MSH3: variants seen among roughly 807,000 people sequenced by gnomAD.
The protein encoded by MSH3 is mutS homolog 3, also known as DNA mismatch repair protein Msh3.
Under a neutral mutation model 123.3 loss-of-function variants are expected in MSH3, and 106 were observed. The ratio of observed to expected loss-of-function variants is 0.86; its 90% CI spans 0.73 to 1.01. The LOEUF is 1.01. Ranked by LOEUF, MSH3 falls within the 50% of genes least tolerant of loss-of-function variation. The pLI, the probability that MSH3 is intolerant of heterozygous loss-of-function variation, is 0.00. For missense variants in MSH3, 1,459 were observed against 1,347.6 expected, an observed-to-expected ratio of 1.08 and a Z score of -1.29; for synonymous variants, 515 against 481.4, an observed-to-expected ratio of 1.07 and a Z score of -0.91.
intron 13 of MSH3, among the ~76,000 whole-genome samples, chr5:80,767,166 T>C (rs1744137535): frequency 6.6e-6 from 1 of 152,156 alleles, no homozygotes; most frequent in South Asian, 2.1e-4. Context: ...TCTTTTTAAA[T>C]TATAAGCAGC....
rs1021957937 is a variant in MSH3 at position 80,691,369 on chromosome 5, ACT to A, written c.1340+12279_1340+12280del. Among the ~76,000 whole-genome samples the A allele has an allele frequency of 7.9e-5, 12 of 151,954 alleles. No homozygotes were observed. In the East Asian group the frequency reaches 1.7e-3, roughly 22 times the overall value. On this transcript the variant is annotated intron_variant, in intron 8 of 23. Coordinates refer to ENST00000265081, the MANE Select transcript of MSH3 (RefSeq NM_002439.5). ...AGCAACCACAATAATATTATCTAAG[ACT>A]CTATTTACCAAAAAGAAAATAAGGT...
intron 8 of MSH3, among the ~76,000 whole-genome samples, chr5:80,718,704 G>A (rs1269475066): frequency 6.7e-6 from 1 of 150,168 alleles, no homozygotes; most frequent in East Asian, 2.0e-4. Flanking sequence ...TTTTTTCATT[G>A]GGAGGCATAT....
chr5:80,794,639 G>A (rs113540329), intron 19 of MSH3, among the ~76,000 whole-genome samples: 3 of 152,172 alleles, frequency 2.0e-5, no homozygotes, highest in African/African-American at 7.2e-5. Flanking sequence ...GTATGGCTAT[G>A]GAAGGTGGGT....
In MSH3 at chr5:80,864,811, A is replaced by G. The variant is rs886037878; in HGVS notation, c.3001-2A>G. 1.9e-6 allele frequency: 3 copies of G among 1,608,852 alleles called. No individual in the cohort carries two copies. The highest frequency in any genetic ancestry group is 2.6e-6 in the Non-Finnish European group (3 of 1,175,238). Reference sequence around the variant, plus strand: ...AACATTTATTCTGTCTTATTGCTTTAGGTGAAATCCTTAACCCTGTTTGTC... The same window carrying G: ...AACATTTATTCTGTCTTATTGCTTTGGGTGAAATCCTTAACCCTGTTTGTC... On this transcript the variant is annotated splice_acceptor_variant, in intron 21 of 23. Coordinates refer to ENST00000265081, the MANE Select transcript of MSH3 (RefSeq NM_002439.5). LOFTEE classifies it high-confidence loss of function.
At chr5:80,797,482 T>C (rs1296227392) in intron 19 of MSH3, among the ~76,000 whole-genome samples, 2 of 152,224 alleles carry the variant, frequency 1.3e-5, no homozygotes, top group African/African-American at 4.8e-5. Context: ...CAGGATATTA[T>C]ATGGGGATTG....
chr5:80,729,342 G>A (rs1743364847), intron 10 of MSH3, among the ~76,000 whole-genome samples: 1 of 150,736 alleles, frequency 6.6e-6, no homozygotes, highest in African/African-American at 2.4e-5. Flanking sequence ...GTGAACCCAG[G>A]GAGGTGGAGC....
rs60484572 is a variant in MSH3 at position 80,654,908 on chromosome 5, GCAGCGCCCC to G, written c.195_203del (p.Pro67_Pro69del). The G allele has an allele frequency of 2.5e-3, 3,849 of 1,539,128 alleles. 86 individuals carry two copies. The African/African-American group carries it at 0.045, about 18-fold the overall frequency. On this transcript the variant is annotated inframe_deletion, in exon 1 of 24. Coordinates refer to ENST00000265081, the MANE Select transcript of MSH3 (RefSeq NM_002439.5). ...AGCGGCTGCAGCGGCCGCAGCGGCC[GCAGCGCCCC>G]CAGCGCCCCCAGCTCCCGCCTTCCC...
chr5:80,677,149 T>C (rs1749859167), intron 7 of MSH3, among the ~76,000 whole-genome samples: 1 of 152,208 alleles, frequency 6.6e-6, no homozygotes, highest in Non-Finnish European at 1.5e-5. Context: ...TCTTTTACCC[T>C]CGACACTGTT....
At chr5:80,766,942 A>T (rs997483280) in intron 13 of MSH3, among the ~76,000 whole-genome samples, 1 of 152,168 alleles carries the variant, frequency 6.6e-6, no homozygotes, top group Non-Finnish European at 1.5e-5. Flanking sequence ...TCATTTAAAG[A>T]ATACAAAGAA....
At chr5:80,786,694 A>ACTT (rs1744515826) in intron 17 of MSH3, among the ~76,000 whole-genome samples, 1 of 152,208 alleles carries the variant, frequency 6.6e-6, no homozygotes, top group Non-Finnish European at 1.5e-5. Flanking sequence ...AATTATGTAC[A>ACTT]CTTCACACAT....
Position 80,656,508 on chromosome 5 carries a change from A to G in MSH3, c.335A>G (p.Asp112Gly). 1 of 1,614,192 alleles carries G rather than the reference A, an allele frequency of 6.2e-7. No individual in the cohort carries two copies. Among genetic ancestry groups the G allele is most frequent in the Non-Finnish European group, 8.5e-7 (1 of 1,180,020 alleles). Residue 112 changes from aspartate (D) to glycine (G), a missense_variant, in exon 2 of 24, where the codon GAT becomes GGT. Coordinates refer to ENST00000265081, the MANE Select transcript of MSH3 (RefSeq NM_002439.5). ...GTCCAACAAAAGGAAGGAGGAAGTGATCTGGGAATGTCTGGCAACTCTGGT... is the reference window on the plus strand; with the variant it reads ...GTCCAACAAAAGGAAGGAGGAAGTGGTCTGGGAATGTCTGGCAACTCTGGT... ...KKVQQKEGGS[D>G]LGMSGNSEPK...
chr5:80,660,152 TG>T (rs1749398776), intron 2 of MSH3, among the ~76,000 whole-genome samples: 1 of 151,752 alleles, frequency 6.6e-6, no homozygotes, highest in East Asian at 1.9e-4. Context: ...TCCACATGGC[TG>T]GGGAGGCCTC....
intron 8 of MSH3, among the ~76,000 whole-genome samples, chr5:80,711,526 G>A (rs909024865): frequency 6.6e-6 from 1 of 152,112 alleles, no homozygotes; most frequent in African/African-American, 2.4e-5. Context: ...CCTCACCTTG[G>A]TTCACTGTTG....
chr5:80,872,706 G>T (rs766850343), intron 22 of MSH3, among the ~76,000 whole-genome samples: 1 of 152,082 alleles, frequency 6.6e-6, no homozygotes. Context: ...TACTTAGGAG[G>T]CTAGGCAGGA....
intron 2 of MSH3, among the ~76,000 whole-genome samples, chr5:80,657,014 T>C (rs575872526): frequency 6.6e-6 from 1 of 152,356 alleles, no homozygotes. Context: ...TATTCTATAC[T>C]AATTTGCTAC....
At chr5:80,837,511 G>A (rs1360788234) in intron 20 of MSH3, among the ~76,000 whole-genome samples, 1 of 152,164 alleles carries the variant, frequency 6.6e-6, no homozygotes, top group Non-Finnish European at 1.5e-5. Context: ...CTGGGAGGTT[G>A]AGGCTGCAGT....
intron 8 of MSH3, among the ~76,000 whole-genome samples, chr5:80,681,614 CTTTATA>C (rs1359232036): frequency 6.6e-6 from 1 of 151,298 alleles, no homozygotes; most frequent in Non-Finnish European, 1.5e-5. Flanking sequence ...GTTCATTTTT[CTTTATA>C]TTTTATTAAC....
chr5:80,736,560 A>G (rs1743512558), intron 10 of MSH3, among the ~76,000 whole-genome samples: 1 of 152,150 alleles, frequency 6.6e-6, no homozygotes, highest in South Asian at 2.1e-4. Context: ...GGAGTCTGGG[A>G]CCTTGAATTT....
rs1400217305 is a variant in MSH3, at chr5:80,876,624, A to G, written c.*762A>G. On this transcript the variant is annotated 3_prime_UTR_variant, in exon 24 of 24. Coordinates refer to ENST00000265081, the MANE Select transcript of MSH3 (RefSeq NM_002439.5). ...AGCTTGGGCAACAGAGCAAGACTCC[A>G]TCTCAAAAAAAAAAAAAGAAAAAAG... is the stretch of plus-strand genomic sequence containing the variant. 2.4e-5 allele frequency among the ~76,000 whole-genome samples: 3 copies of G among 126,746 alleles called. No individual in the cohort carries two copies. Among genetic ancestry groups the G allele is most frequent in the African/African-American group, 8.3e-5 (3 of 36,140 alleles). The allele number at this position is 126,746 out of a possible 152,430, so 83.2% of individuals were successfully genotyped here.
Sources: gnomAD v4.1 joint callset for allele counts (sites outside exome capture counted in the v4.1 genomes callset) on GRCh38, gnomAD v4.1.1 for gene constraint, MANE v1.5 for transcripts, NCBI Gene and HGNC (gene_info 2026-07-23, HGNC 2026-07-21) for gene names.